The following CYB5RL variants were observed in gnomAD, a reference collection of about 807,000 sequenced individuals.
The protein encoded by CYB5RL is cytochrome b5 reductase like, also known as NADH-cytochrome b5 reductase-like.
CYB5RL carries 38 observed loss-of-function variants against 37.5 expected under a neutral mutation model. The observed-to-expected ratio is 1.01, with a 90% CI of 0.78 to 1.33. CYB5RL has a LOEUF of 1.33. Among genes scored for constraint, CYB5RL ranks in the 40% most tolerant of loss-of-function variants. The pLI is 0.00. For synonymous variants in CYB5RL, 141 were observed against 151.9 expected (o/e 0.93, Z 0.53); for missense variants, 388 against 394.4 (o/e 0.98, Z 0.14).
chr1:54,178,733 C>T (rs1660081529), intron 7 of CYB5RL, among the ~76,000 whole-genome samples: 1 of 152,208 alleles, frequency 6.6e-6, no homozygotes, highest in Non-Finnish European at 1.5e-5. Context: ...CTGAGGCAGA[C>T]ATGTGGTCTC....
At chr1:54,178,646 G>C (rs1193106553) in intron 7 of CYB5RL, among the ~76,000 whole-genome samples, 1 of 152,210 alleles carries the variant, frequency 6.6e-6, no homozygotes, top group Non-Finnish European at 1.5e-5. Context: ...AGGGAACTCA[G>C]ATCAGTTTAC....
chr1:54,186,632 C>T (rs1643900584), intron 5 of CYB5RL, among the ~76,000 whole-genome samples: 1 of 152,134 alleles, frequency 6.6e-6, no homozygotes, highest in Non-Finnish European at 1.5e-5. Context: ...AGAAACACAC[C>T]CCGACAAGCA....
Position 54,170,613 on chromosome 1 carries a change from G to A in CYB5RL, c.*4006C>T, listed in dbSNP as rs561855273. 4.2e-3 allele frequency: 689 copies of A among 164,084 alleles called. 4 individuals are homozygous for A. Among genetic ancestry groups the A allele is most frequent in the African/African-American group, 0.016 (651 of 41,774 alleles). The allele number at this position is 164,084 out of a possible 1,614,324, so 10.2% of individuals were successfully genotyped here. A position where few individuals can be genotyped will look rare whatever the true frequency, so the allele number is the denominator to read the frequency against. ...TTTTTAGTACAGACGGGGTTTCACCGTGTTAGCCAGGATGGTCTCAATCTC... is the reference window on the plus strand; with the variant it reads ...TTTTTAGTACAGACGGGGTTTCACCATGTTAGCCAGGATGGTCTCAATCTC... On this transcript the variant is annotated 3_prime_UTR_variant, in exon 8 of 8. Transcript: ENST00000534324.
At position 54,170,778 on chromosome 1, in the gene CYB5RL, A is replaced by C; in HGVS notation, c.*3841T>G. ...CACACACAACCTTTACCACAATCAC[A>C]TGCTGGAACTTGTGTATCCCTACAT... On this transcript the variant is annotated 3_prime_UTR_variant, in exon 8 of 8. Coordinates refer to ENST00000534324, the MANE Select transcript of CYB5RL (RefSeq NM_001031672.4). 1 of 271,984 alleles carries C rather than the reference A, an allele frequency of 3.7e-6. No homozygotes were observed. Among genetic ancestry groups the C allele is most frequent in the Non-Finnish European group, 7.3e-6 (1 of 136,882 alleles). 16.8% of individuals were successfully genotyped at this position (271,984 alleles called of 1,614,324 possible).
At position 54,174,037 on chromosome 1, in the gene CYB5RL, G is replaced by C. The variant is rs1449610064; in HGVS notation, c.*582C>G. The C allele has an allele frequency of 3.2e-5, 5 of 154,508 alleles. No homozygotes were observed. Among genetic ancestry groups the C allele is most frequent in the Admixed American group, 3.1e-4 (5 of 15,880 alleles). The allele number at this position is 154,508 out of a possible 1,614,324, so 9.6% of individuals were successfully genotyped here. A position where few individuals can be genotyped will look rare whatever the true frequency, so the allele number is the denominator to read the frequency against. On this transcript the variant is annotated 3_prime_UTR_variant, in exon 8 of 8. Coordinates refer to ENST00000534324, the MANE Select transcript of CYB5RL (RefSeq NM_001031672.4). ...AAGCTGTTCACAGCAAGAAAGGCTT[G>C]GGGCCAATACAAGACAGTCGAGGGC...
At position 54,171,064 on chromosome 1, in the gene CYB5RL, G is replaced by A. The variant is rs1376012254; in HGVS notation, c.*3555C>T. The A allele has an allele frequency of 4.5e-6, 2 of 448,706 alleles. No homozygotes were observed. Among genetic ancestry groups the A allele is most frequent in the South Asian group, 1.6e-5 (1 of 63,562 alleles). 27.8% of individuals were successfully genotyped at this position (448,706 alleles called of 1,614,324 possible). On this transcript the variant is annotated 3_prime_UTR_variant, in exon 8 of 8. Coordinates refer to ENST00000534324, the MANE Select transcript of CYB5RL (RefSeq NM_001031672.4). ...TGCAGATGACACTTATGGGTACAGC[G>A]ACAGAAAAGCACACAAGCCTCTCTG...
At chr1:54,180,229 T>G in intron 6 of CYB5RL, 1 of 321,840 alleles carries the variant, frequency 3.1e-6, no homozygotes, top group South Asian at 2.2e-5. Flanking sequence ...AGAGCAAGAT[T>G]CCATCTAAAA....
chr1:54,181,443 C>G (rs543567887), intron 6 of CYB5RL, among the ~76,000 whole-genome samples: 1 of 152,208 alleles, frequency 6.6e-6, no homozygotes, highest in Non-Finnish European at 1.5e-5. Context: ...AATGCACAGA[C>G]AGATGCTAAT....
At chr1:54,198,393 C>G (rs933288404) in intron 1 of CYB5RL, among the ~76,000 whole-genome samples, 1 of 147,110 alleles carries the variant, frequency 6.8e-6, no homozygotes, top group East Asian at 2.1e-4. Context: ...AGTGCAGTGG[C>G]GCAATCTCAG....
chr1:54,177,323 C>T (rs1013216902), intron 7 of CYB5RL, among the ~76,000 whole-genome samples: 4 of 152,122 alleles, frequency 2.6e-5, no homozygotes, highest in Non-Finnish European at 4.4e-5. Flanking sequence ...CCAGTCACCC[C>T]CTTCACCTGC....
Position 54,190,881 on chromosome 1 carries a change from G to C in CYB5RL, c.214C>G (p.Leu72Val). ...AAGGCCACGAAGGTCTCTGGGTTCA[G>C]CTTGGAGGGGCAGCTCTGCAACAGG... is the stretch of plus-strand genomic sequence containing the variant. ...GPESQSCPSK[L>V]NPETFVAFCI... Residue 72 changes from leucine (L) to valine (V), a missense_variant, in exon 4 of 8, where the codon CTG becomes GTG. Coordinates refer to ENST00000534324, the MANE Select transcript of CYB5RL (RefSeq NM_001031672.4). 1.2e-6 allele frequency: 2 copies of C among 1,611,810 alleles called. No homozygotes were observed. Among genetic ancestry groups the C allele is most frequent in the Non-Finnish European group, 8.5e-7 (1 of 1,179,278 alleles).
intron 3 of CYB5RL, among the ~76,000 whole-genome samples, chr1:54,191,179 C>T (rs908429152): frequency 1.1e-4 from 16 of 152,226 alleles, no homozygotes; most frequent in African/African-American, 1.9e-4. Context: ...GCCCTGTGGA[C>T]GACCCTCATG....
intron 5 of CYB5RL, chr1:54,184,782 C>T (rs764102881): frequency 6.6e-6 from 1 of 152,432 alleles, no homozygotes; most frequent in Non-Finnish European, 1.5e-5. Context: ...TTAAAATCTC[C>T]CATTTTTGAA....
At chr1:54,183,229 CTG>C (rs1265501259) in intron 6 of CYB5RL, among the ~76,000 whole-genome samples, 3 of 152,188 alleles carry the variant, frequency 2.0e-5, no homozygotes, top group African/African-American at 7.2e-5. Context: ...GTTTACCTAA[CTG>C]TTCCCCTGCT....
intron 3 of CYB5RL, among the ~76,000 whole-genome samples, chr1:54,194,696 A>G (rs1412364278): frequency 6.6e-6 from 1 of 152,252 alleles, no homozygotes; most frequent in East Asian, 1.9e-4. Context: ...TGAGAGAGGT[A>G]GAAATGGGAG....
intron 6 of CYB5RL, among the ~76,000 whole-genome samples, chr1:54,181,524 C>T (rs1385614745): frequency 2.0e-5 from 3 of 152,202 alleles, no homozygotes; most frequent in African/African-American, 7.2e-5. Context: ...AAACAGGGCC[C>T]GGAAGAGGGC....
chr1:54,175,809 G>T, intron 7 of CYB5RL: 1 of 274,432 alleles, frequency 3.6e-6, no homozygotes, highest in Non-Finnish European at 7.7e-6. Context: ...CACATGGGAG[G>T]ATGTGCATAG....
chr1:54,193,321 G>C (rs993427049), intron 3 of CYB5RL, among the ~76,000 whole-genome samples: 3 of 152,184 alleles, frequency 2.0e-5, no homozygotes, highest in Admixed American at 6.5e-5. Context: ...GAAGATGGAC[G>C]ATATACACAT....
chr1:54,184,073 G>A, intron 6 of CYB5RL, 88 bp downstream of exon 6: 2 of 1,156,512 alleles, frequency 1.7e-6, no homozygotes, highest in South Asian at 1.4e-5. Flanking sequence ...TGAGCTCAAG[G>A]AGAATGGCAC....
Sources: gnomAD v4.1 joint callset for allele counts (sites outside exome capture counted in the v4.1 genomes callset) on GRCh38, gnomAD v4.1.1 for gene constraint, MANE v1.5 for transcripts, NCBI Gene and HGNC (gene_info 2026-07-23, HGNC 2026-07-21) for gene names.